The following EPB41L4A variants were observed in gnomAD, a reference collection of about 807,000 sequenced individuals.
The protein encoded by EPB41L4A is erythrocyte membrane protein band 4.1 like 4A.
A neutral mutation model predicts 108.6 loss-of-function variants in EPB41L4A; 100 were observed. That is an observed-to-expected ratio of 0.92 (90% CI 0.78 to 1.09). The LOEUF (loss-of-function observed/expected upper bound fraction) is 1.09, where lower values mean the gene tolerates loss of function less well. Ranked by LOEUF, EPB41L4A falls within the 50% of genes least tolerant of loss-of-function variation. The pLI is 0.00. For missense variants in EPB41L4A, 1,030 were observed against 842.7 expected (o/e 1.22, Z -2.75); for synonymous variants, 319 against 289.0 (o/e 1.10, Z -1.05).
intron 2 of EPB41L4A, among the ~76,000 whole-genome samples, chr5:112,292,213 G>C (rs1431881735): frequency 6.6e-6 from 1 of 152,170 alleles, no homozygotes; most frequent in Non-Finnish European, 1.5e-5. Flanking sequence ...GTAAGTATCT[G>C]CTATGTGATT....
intron 1 of EPB41L4A, among the ~76,000 whole-genome samples, chr5:112,370,837 G>A (rs775644733): frequency 6.6e-6 from 1 of 152,206 alleles, no homozygotes; most frequent in Non-Finnish European, 1.5e-5. Context: ...TACTCAGGAG[G>A]CTGAGGCACA....
intron 1 of EPB41L4A, among the ~76,000 whole-genome samples, chr5:112,370,666 G>A (rs1312895127): frequency 6.6e-6 from 1 of 152,204 alleles, no homozygotes; most frequent in Non-Finnish European, 1.5e-5. Flanking sequence ...TGTATTCCCA[G>A]CACTTTGGGA....
At chr5:112,318,268 A>C (rs1207209153) in intron 1 of EPB41L4A, among the ~76,000 whole-genome samples, 2 of 152,230 alleles carry the variant, frequency 1.3e-5, no homozygotes, top group African/African-American at 4.8e-5. Context: ...AAAACAAAGC[A>C]GTCCACAAGG....
At position 112,343,429 on chromosome 5, in the gene EPB41L4A, A is replaced by T. The variant is rs145581881; in HGVS notation, c.100-35939T>A. ...TTTGTCCCATCTGTAAGACGGGAAT[A>T]TTAACAGCATGTACATCACAGGGCC... On this transcript the variant is annotated intron_variant, in intron 1 of 22. Coordinates refer to ENST00000261486, the MANE Select transcript of EPB41L4A (RefSeq NM_022140.5). Among the ~76,000 whole-genome samples, 13 of 152,322 alleles carry T rather than the reference A, an allele frequency of 8.5e-5. No individual in the cohort carries two copies. In the East Asian group the frequency reaches 2.5e-3, roughly 29 times the overall value.
chr5:112,347,855 C>A (rs1447047084), intron 1 of EPB41L4A, among the ~76,000 whole-genome samples: 1 of 152,202 alleles, frequency 6.6e-6, no homozygotes, highest in Non-Finnish European at 1.5e-5. Context: ...TACCCAGCCA[C>A]AGGGGCCCTG....
rs193164118 is a variant in EPB41L4A at position 112,171,548 on chromosome 5, C to T, written c.1623-556G>A. On this transcript the variant is annotated intron_variant, in intron 18 of 22. Coordinates refer to ENST00000261486, the MANE Select transcript of EPB41L4A (RefSeq NM_022140.5). ...ATGCTAGGACTATCAGTGGCCTTGG[C>T]TCATGCTGCCACCCTCTTTACGCCC... Among the ~76,000 whole-genome samples the T allele has an allele frequency of 2.0e-3, 302 of 152,352 alleles. 1 individual carries two copies. Among genetic ancestry groups the T allele is most frequent in the Middle Eastern group, 3.4e-3 (1 of 294 alleles).
chr5:112,204,325 C>A (rs767289571), intron 15 of EPB41L4A, 50 bp downstream of exon 15: 3 of 1,293,142 alleles, frequency 2.3e-6, no homozygotes, highest in Non-Finnish European at 3.4e-6. Flanking sequence ...AGGCCTGGGA[C>A]AAAATGCTTC....
intron 15 of EPB41L4A, among the ~76,000 whole-genome samples, chr5:112,202,959 T>A (rs746962943): frequency 6.6e-6 from 1 of 152,128 alleles, no homozygotes; most frequent in East Asian, 1.9e-4. Context: ...TCCCAGCAAT[T>A]TGGGAGACTG....
At chr5:112,228,600 G>T (rs1164965106) in intron 12 of EPB41L4A, 2 of 584,136 alleles carry the variant, frequency 3.4e-6, no homozygotes, top group Non-Finnish European at 4.3e-6. Context: ...ATCCCAAATG[G>T]CTTCACCCAT....
At chr5:112,226,457 A>C (rs1469409152) in intron 12 of EPB41L4A, among the ~76,000 whole-genome samples, 1 of 152,204 alleles carries the variant, frequency 6.6e-6, no homozygotes, top group Non-Finnish European at 1.5e-5. Flanking sequence ...GCTTAACATG[A>C]AAAATGCACT....
intron 1 of EPB41L4A, among the ~76,000 whole-genome samples, chr5:112,323,305 G>C (rs191933300): frequency 9.2e-5 from 14 of 152,286 alleles, no homozygotes; most frequent in Admixed American, 2.6e-4. Context: ...AGCAAGCTTA[G>C]GCAGCAATAA....
intron 1 of EPB41L4A, among the ~76,000 whole-genome samples, chr5:112,401,421 G>A (rs1362190416): frequency 1.3e-5 from 2 of 152,156 alleles, no homozygotes; most frequent in African/African-American, 4.8e-5. Flanking sequence ...TACATAAGAG[G>A]AAACTAATTC....
At chr5:112,390,618 C>G (rs1011408138) in intron 1 of EPB41L4A, among the ~76,000 whole-genome samples, 1 of 152,166 alleles carries the variant, frequency 6.6e-6, no homozygotes, top group Admixed American at 6.5e-5. Flanking sequence ...TCTGGGGGCA[C>G]GGCATAGCTG....
intron 12 of EPB41L4A, among the ~76,000 whole-genome samples, chr5:112,222,167 T>C (rs923385395): frequency 6.6e-6 from 1 of 152,228 alleles, no homozygotes; most frequent in Non-Finnish European, 1.5e-5. Flanking sequence ...ATGAGCAGAA[T>C]GTATGGTCTT....
rs146643410 is a variant in EPB41L4A at position 112,314,578 on chromosome 5, T to A, written c.100-7088A>T. Among the ~76,000 whole-genome samples, 663 of 139,346 alleles carry A rather than the reference T, an allele frequency of 4.8e-3. 5 individuals are homozygous for A. The highest frequency in any genetic ancestry group is 0.036 in the Middle Eastern group (8 of 220). The allele number at this position is 139,346 out of a possible 152,430, so 91.4% of individuals were successfully genotyped here. On this transcript the variant is annotated intron_variant, in intron 1 of 22. Coordinates refer to ENST00000261486, the MANE Select transcript of EPB41L4A (RefSeq NM_022140.5). ...CAAGCATGATGGCAGGCGCCTGTGGTCCCAGCTACTACAAGGTCAGGAGAT... is the reference window on the plus strand; with the variant it reads ...CAAGCATGATGGCAGGCGCCTGTGGACCCAGCTACTACAAGGTCAGGAGAT...
intron 22 of EPB41L4A, among the ~76,000 whole-genome samples, chr5:112,166,043 T>C (rs764971936): frequency 2.6e-5 from 4 of 152,134 alleles, no homozygotes; most frequent in Non-Finnish European, 4.4e-5. Context: ...AGCAGAAGAA[T>C]TACCAGAAAA....
chr5:112,206,579 T>G (rs908984383), intron 13 of EPB41L4A, among the ~76,000 whole-genome samples: 7 of 152,174 alleles, frequency 4.6e-5, no homozygotes, highest in African/African-American at 1.7e-4. Flanking sequence ...ATATGGCAGA[T>G]ATTTAATACG....
intron 9 of EPB41L4A, among the ~76,000 whole-genome samples, chr5:112,249,446 C>A (rs1750490653): frequency 6.6e-6 from 1 of 152,240 alleles, no homozygotes; most frequent in East Asian, 1.9e-4. Flanking sequence ...AGAAAGCTTA[C>A]AAAATTGTAA....
chr5:112,317,524 G>A (rs570392174), intron 1 of EPB41L4A, among the ~76,000 whole-genome samples: 34 of 152,258 alleles, frequency 2.2e-4, no homozygotes, highest in African/African-American at 7.2e-4. Flanking sequence ...AAGGCTGGAG[G>A]GCCTAGAGAC....
Sources: allele counts gnomAD v4.1 joint callset (sites outside exome capture counted in the v4.1 genomes callset), GRCh38; gene constraint gnomAD v4.1.1; transcripts MANE v1.5; gene names NCBI Gene and HGNC (gene_info 2026-07-23, HGNC 2026-07-21).